NR6A1: variants seen among roughly 807,000 people sequenced by gnomAD.
NR6A1 encodes retinoic acid receptor-related testis-associated receptor.
In NR6A1, 7 loss-of-function variants were observed where a neutral mutation model predicts 59.1. The observed-to-expected ratio is 0.12, with a 90% CI of 0.07 to 0.22. NR6A1 has a LOEUF of 0.22. Among genes scored for constraint, NR6A1 ranks in the 10% least tolerant of loss-of-function variants. The probability of loss-of-function intolerance (pLI) is 1.00; values close to 1 mark genes in which losing one functional copy is unlikely to be tolerated. For missense variants in NR6A1, 468 were observed against 611.6 expected (o/e 0.77, Z 2.48); for synonymous variants, 243 against 236.1 (o/e 1.03, Z -0.27).
intron 1 of NR6A1, among the ~76,000 whole-genome samples, chr9:124,767,908 C>T (rs1840985279): frequency 6.6e-6 from 1 of 152,148 alleles, no homozygotes. Context: ...TGAACAAATG[C>T]AATATTCAGC....
At chr9:124,758,847 T>C (rs1419145808) in intron 1 of NR6A1, among the ~76,000 whole-genome samples, 1 of 152,226 alleles carries the variant, frequency 6.6e-6, no homozygotes, top group Non-Finnish European at 1.5e-5. Flanking sequence ...CCACAGCTAT[T>C]TGCTTTAGGC....
chr9:124,683,235 GGGAAAAGGAAAA>G (rs144520685), intron 2 of NR6A1, among the ~76,000 whole-genome samples: 9,069 of 149,836 alleles, frequency 0.061, 747 homozygotes, highest in African/African-American at 0.18. Context: ...GAAAGGGAAA[GGGAAAAGGAAAA>G]GGAAAAGGAA....
At chr9:124,646,821 CA>C (rs956694247) in intron 2 of NR6A1, among the ~76,000 whole-genome samples, 2 of 151,954 alleles carry the variant, frequency 1.3e-5, no homozygotes, top group Admixed American at 1.3e-4. Flanking sequence ...AAAACACATA[CA>C]AAAAAATAGA....
At chr9:124,750,465 AAAAT>A (rs1391753291) in intron 1 of NR6A1, among the ~76,000 whole-genome samples, 2 of 152,202 alleles carry the variant, frequency 1.3e-5, no homozygotes, top group South Asian at 2.1e-4. Context: ...GCATCTTTAA[AAAAT>A]AAATAAATAG....
intron 2 of NR6A1, among the ~76,000 whole-genome samples, chr9:124,694,442 T>C (rs950802572): frequency 6.6e-6 from 1 of 152,212 alleles, no homozygotes; most frequent in Non-Finnish European, 1.5e-5. Context: ...TTAATATGAA[T>C]GTTCTGGTTA....
At chr9:124,660,782 T>C (rs1325389494) in intron 2 of NR6A1, among the ~76,000 whole-genome samples, 1 of 152,178 alleles carries the variant, frequency 6.6e-6, no homozygotes, top group Admixed American at 6.5e-5. Context: ...TGTGCTCGCT[T>C]TTCTCACTAC....
At chr9:124,665,180 T>C (rs1206349833) in intron 2 of NR6A1, among the ~76,000 whole-genome samples, 11 of 148,448 alleles carry the variant, frequency 7.4e-5, no homozygotes, top group Admixed American at 6.0e-4. Context: ...CAAGAACCTT[T>C]CTCAAAAAAA....
At chr9:124,527,881 G>A (rs1347934382) in intron 7 of NR6A1, among the ~76,000 whole-genome samples, 1 of 152,222 alleles carries the variant, frequency 6.6e-6, no homozygotes, top group Non-Finnish European at 1.5e-5. Flanking sequence ...AAACCAAGGA[G>A]GCAAACACTT....
chr9:124,564,907 T>A lies in NR6A1; in HGVS notation c.143-10337A>T, dbSNP rs1030913338. 5.3e-5 allele frequency among the ~76,000 whole-genome samples: 8 copies of A among 152,144 alleles called. No individual in the cohort carries two copies. The East Asian group carries it at 1.5e-3, about 29-fold the overall frequency. On this transcript the variant is annotated intron_variant, in intron 2 of 9. Coordinates refer to ENST00000487099, the MANE Select transcript of NR6A1 (RefSeq NM_033334.4). Reference sequence around the variant, plus strand: ...AATGGAGAACCCTACAACATAGCCATGAATATATGAATATTTAATTTATGA... The same window carrying A: ...AATGGAGAACCCTACAACATAGCCAAGAATATATGAATATTTAATTTATGA...
chr9:124,700,128 G>A (rs531747158), intron 2 of NR6A1, among the ~76,000 whole-genome samples: 57 of 151,202 alleles, frequency 3.8e-4, no homozygotes, highest in African/African-American at 1.2e-3. Context: ...AGGATTACAG[G>A]TGTGAGTCAC....
At chr9:124,666,353 A>G (rs1406596927) in intron 2 of NR6A1, among the ~76,000 whole-genome samples, 1 of 139,808 alleles carries the variant, frequency 7.2e-6, no homozygotes, top group Non-Finnish European at 1.5e-5. Context: ...ATCTTGGCTC[A>G]CTGTAACCTC....
intron 2 of NR6A1, among the ~76,000 whole-genome samples, chr9:124,732,354 T>C (rs1386880529): frequency 6.6e-6 from 1 of 152,232 alleles, no homozygotes; most frequent in Non-Finnish European, 1.5e-5. Context: ...AAATAAGGTC[T>C]GTATACACTG....
intron 2 of NR6A1, chr9:124,598,667 AAAC>A (rs1835352413): frequency 2.9e-5 from 12 of 409,760 alleles, no homozygotes; most frequent in Admixed American, 4.2e-5. Context: ...AAAAAAAAAA[AAAC>A]AAGGAAGGGA....
chr9:124,527,578 A>G (rs1832975144), intron 7 of NR6A1, among the ~76,000 whole-genome samples: 1 of 152,242 alleles, frequency 6.6e-6, no homozygotes, highest in South Asian at 2.1e-4. Context: ...GATAATCATC[A>G]GCACTGTACA....
chr9:124,608,824 A>C (rs1835651963), intron 2 of NR6A1, among the ~76,000 whole-genome samples: 1 of 152,202 alleles, frequency 6.6e-6, no homozygotes, highest in Admixed American at 6.5e-5. Context: ...TGACTTTTTA[A>C]GAATCACCAT....
At chr9:124,670,321 G>A (rs757918407) in intron 2 of NR6A1, among the ~76,000 whole-genome samples, 13 of 152,158 alleles carry the variant, frequency 8.5e-5, no homozygotes, top group Non-Finnish European at 1.6e-4. Context: ...AAGCCCAGGA[G>A]TTGGAGGCTG....
chr9:124,597,383 T>G (rs1338362874), intron 2 of NR6A1, among the ~76,000 whole-genome samples: 1 of 149,028 alleles, frequency 6.7e-6, no homozygotes, highest in African/African-American at 2.5e-5. Context: ...AGAATGAGGG[T>G]GGAAAAAATG....
At chr9:124,717,889 T>C (rs1472225545) in intron 2 of NR6A1, among the ~76,000 whole-genome samples, 7 of 152,084 alleles carry the variant, frequency 4.6e-5, no homozygotes, top group Non-Finnish European at 7.4e-5. Flanking sequence ...GAAGAGTAAA[T>C]GAGATAAATG....
chr9:124,589,890 TC>T (rs1472807165), intron 2 of NR6A1, among the ~76,000 whole-genome samples: 1 of 151,204 alleles, frequency 6.6e-6, no homozygotes, highest in Non-Finnish European at 1.5e-5. Flanking sequence ...CATGGTGAAA[TC>T]CCGTCTCTAC....
Sources: allele counts gnomAD v4.1 joint callset (sites outside exome capture counted in the v4.1 genomes callset), GRCh38; gene constraint gnomAD v4.1.1; transcripts MANE v1.5; gene names NCBI Gene and HGNC (gene_info 2026-07-23, HGNC 2026-07-21).